The following TXNDC16 variants were observed in gnomAD, a reference collection of about 807,000 sequenced individuals.
The protein encoded by TXNDC16 is thioredoxin domain-containing protein 16.
Under a neutral mutation model 85.6 loss-of-function variants are expected in TXNDC16, and 74 were observed. The observed-to-expected ratio is 0.86, with a 90% CI of 0.72 to 1.05. TXNDC16 has a LOEUF of 1.05. Ranked by LOEUF, TXNDC16 falls within the 50% of genes least tolerant of loss-of-function variation. The pLI is 0.00. For synonymous variants in TXNDC16, 335 were observed against 326.5 expected, an observed-to-expected ratio of 1.03 and a Z score of -0.28; for missense variants, 959 against 947.0, an observed-to-expected ratio of 1.01 and a Z score of -0.17.
At chr14:52,457,265 CATT>C in intron 16 of TXNDC16, 91 bp from the exon 17 acceptor site, 1 of 640,486 alleles carries the variant, frequency 1.6e-6, no homozygotes, top group Non-Finnish European at 2.6e-6. Flanking sequence ...GGTAGTATTT[CATT>C]ATTAATTAAT....
intron 7 of TXNDC16, among the ~76,000 whole-genome samples, chr14:52,516,221 G>A (rs147362706): frequency 2.8e-4 from 42 of 152,106 alleles, no homozygotes; most frequent in Non-Finnish European, 4.9e-4. Flanking sequence ...ATCCAATATC[G>A]TCTTCTTTAT....
At chr14:52,525,906 G>A (rs1386866472) in intron 6 of TXNDC16, among the ~76,000 whole-genome samples, 2 of 151,774 alleles carry the variant, frequency 1.3e-5, no homozygotes, top group Non-Finnish European at 2.9e-5. Flanking sequence ...ACATCTTCCT[G>A]TATACTTTAA....
chr14:52,531,480 G>A (rs1430407733), intron 6 of TXNDC16, among the ~76,000 whole-genome samples: 13 of 152,070 alleles, frequency 8.5e-5, no homozygotes, highest in Admixed American at 8.5e-4. Context: ...ATTATTCAGT[G>A]ATTTAAAAAA....
At chr14:52,447,167 G>C in intron 18 of TXNDC16, among the ~76,000 whole-genome samples, 1 of 150,716 alleles carries the variant, frequency 6.6e-6, no homozygotes. Flanking sequence ...CTGGGCCAGA[G>C]GCAAGCCCAC....
At chr14:52,457,753 T>C (rs1472077819) in intron 16 of TXNDC16, among the ~76,000 whole-genome samples, 7 of 152,256 alleles carry the variant, frequency 4.6e-5, no homozygotes, top group Admixed American at 3.9e-4. Flanking sequence ...TTGTATTGTC[T>C]TTTCTCATTT....
chr14:52,472,613 T>G (rs1001089138), intron 14 of TXNDC16, among the ~76,000 whole-genome samples: 1 of 152,210 alleles, frequency 6.6e-6, no homozygotes, highest in African/African-American at 2.4e-5. Context: ...TTTTAAATTC[T>G]TACATTAAAG....
intron 6 of TXNDC16, among the ~76,000 whole-genome samples, chr14:52,527,721 A>G (rs1008336395): frequency 2.6e-5 from 4 of 152,130 alleles, no homozygotes; most frequent in African/African-American, 7.2e-5. Context: ...GGCTGCTGTT[A>G]TTGCCGTAAG....
intron 6 of TXNDC16, among the ~76,000 whole-genome samples, chr14:52,534,893 G>T (rs10151879): frequency 0.016 from 2,384 of 152,218 alleles, 54 homozygotes; most frequent in African/African-American, 0.053. Context: ...CTATAAATCA[G>T]CATTAGTACA....
intron 9 of TXNDC16, among the ~76,000 whole-genome samples, chr14:52,498,157 TA>T (rs1280596299): frequency 2.6e-5 from 4 of 152,064 alleles, no homozygotes; most frequent in African/African-American, 7.2e-5. Flanking sequence ...CTCAAGATAT[TA>T]AACAGCATAA....
At chr14:52,550,578 G>C (rs1002629405) in intron 1 of TXNDC16, among the ~76,000 whole-genome samples, 2 of 152,190 alleles carry the variant, frequency 1.3e-5, no homozygotes, top group Non-Finnish European at 2.9e-5. Context: ...ACACATGGCA[G>C]GTGGCAGGTA....
At chr14:52,526,016 G>C (rs1042237167) in intron 6 of TXNDC16, among the ~76,000 whole-genome samples, 1 of 151,860 alleles carries the variant, frequency 6.6e-6, no homozygotes, top group African/African-American at 2.4e-5. Context: ...TGTTATATTT[G>C]ATTGCCTTTT....
chr14:52,497,523 GA>G (rs2036559108), intron 9 of TXNDC16, among the ~76,000 whole-genome samples: 1 of 152,128 alleles, frequency 6.6e-6, no homozygotes, highest in Non-Finnish European at 1.5e-5. Context: ...GCAAGAAAAG[GA>G]AACTACAGAG....
At position 52,503,745 on chromosome 14, in the gene TXNDC16, GAGA is replaced by G. The variant is rs1290007007; in HGVS notation, c.756+7492_756+7494del. On this transcript the variant is annotated intron_variant, in intron 9 of 20. Coordinates refer to ENST00000281741, the MANE Select transcript of TXNDC16 (RefSeq NM_020784.3). ...ACAGAGAATGACTTTCATGAGTTGA[GAGA>G]AGAAGGCTTCAGACGATCAAACTAC... 7.9e-5 allele frequency among the ~76,000 whole-genome samples: 12 copies of G among 152,334 alleles called. 1 individual carries two copies. In the South Asian group the frequency reaches 2.5e-3, roughly 32 times the overall value.
chr14:52,447,838 A>G (rs144771087), intron 18 of TXNDC16, among the ~76,000 whole-genome samples: 41 of 152,218 alleles, frequency 2.7e-4, no homozygotes, highest in African/African-American at 8.2e-4. Flanking sequence ...AATTTAAGAA[A>G]CAGAAATAAT....
intron 9 of TXNDC16, among the ~76,000 whole-genome samples, chr14:52,493,216 T>TATATATATATATATATATACACACAC: frequency 1.8e-3 from 206 of 115,812 alleles, no homozygotes; most frequent in African/African-American, 6.9e-3. Context: ...TATATATATA[T>TATATATATATATATATATACACACAC]ACACACACAC....
intron 9 of TXNDC16, 59 bp from the exon 10 acceptor site, chr14:52,491,064 AAATTCTCCT>A (rs916129695): frequency 1.3e-6 from 2 of 1,512,892 alleles, no homozygotes; most frequent in African/African-American, 1.4e-5. Context: ...ATTTGGATTT[AAATTCTCCT>A]AATTCTTATT....
chr14:52,507,354 C>A (rs1341781750), intron 9 of TXNDC16, among the ~76,000 whole-genome samples: 1 of 151,930 alleles, frequency 6.6e-6, no homozygotes, highest in African/African-American at 2.4e-5. Flanking sequence ...ATCCAACTTA[C>A]AAGGGATGTG....
intron 16 of TXNDC16, among the ~76,000 whole-genome samples, chr14:52,458,358 G>A (rs2035580505): frequency 6.6e-6 from 1 of 152,126 alleles, no homozygotes; most frequent in African/African-American, 2.4e-5. Flanking sequence ...AGGAGTTTGA[G>A]ATTAGCCTGG....
At chr14:52,464,741 G>GGCCAACA (rs1271873803) in intron 16 of TXNDC16, among the ~76,000 whole-genome samples, 2 of 152,076 alleles carry the variant, frequency 1.3e-5, no homozygotes. Flanking sequence ...AGACCAGCCT[G>GGCCAACA]GCCAACACAG....
Sources: allele counts gnomAD v4.1 joint callset (sites outside exome capture counted in the v4.1 genomes callset), GRCh38; gene constraint gnomAD v4.1.1; transcripts MANE v1.5; gene names NCBI Gene and HGNC (gene_info 2026-07-23, HGNC 2026-07-21).